The following SLC8A1 variants were observed in gnomAD, a reference collection of about 807,000 sequenced individuals.
SLC8A1 encodes the protein solute carrier family 8 member A1, also known as sodium/calcium exchanger 1.
In SLC8A1, 18 loss-of-function variants were observed where a neutral mutation model predicts 68.3. The observed-to-expected ratio is 0.26, with a 90% confidence interval of 0.18 to 0.39. The LOEUF is 0.39. Among genes scored for constraint, SLC8A1 ranks in the 10% least tolerant of loss-of-function variants. The pLI is 1.00. For synonymous variants in SLC8A1, 475 were observed against 415.5 expected, an observed-to-expected ratio of 1.14 and a Z score of -1.74; for missense variants, 985 against 1,156.7, an observed-to-expected ratio of 0.85 and a Z score of 2.15.
At chr2:40,274,400 G>A (rs1481003857) in intron 2 of SLC8A1, among the ~76,000 whole-genome samples, 2 of 152,030 alleles carry the variant, frequency 1.3e-5, no homozygotes, top group African/African-American at 2.4e-5. Flanking sequence ...TGGAAGTTGT[G>A]CTCTAAAATT....
chr2:40,209,771 C>G (rs923142427), intron 2 of SLC8A1, among the ~76,000 whole-genome samples: 1 of 152,052 alleles, frequency 6.6e-6, no homozygotes, highest in Non-Finnish European at 1.5e-5. Flanking sequence ...TCTATTTTCT[C>G]AGGGAGACAG....
intron 1 of SLC8A1, among the ~76,000 whole-genome samples, chr2:40,489,020 C>T (rs867658977): frequency 6.6e-5 from 10 of 152,062 alleles, no homozygotes; most frequent in East Asian, 1.9e-4. Flanking sequence ...CATACTCTAA[C>T]GATAAGAACT....
intron 2 of SLC8A1, among the ~76,000 whole-genome samples, chr2:40,227,888 CA>C (rs1184826777): frequency 2.0e-5 from 3 of 151,982 alleles, no homozygotes. Context: ...AGGAGAAACT[CA>C]GAGAATAATG....
At chr2:40,322,174 G>A (rs1394009207) in intron 2 of SLC8A1, among the ~76,000 whole-genome samples, 1 of 152,148 alleles carries the variant, frequency 6.6e-6, no homozygotes, top group Non-Finnish European at 1.5e-5. Flanking sequence ...AGGCTGCTGT[G>A]TGGTTTTGCA....
intron 6 of SLC8A1, among the ~76,000 whole-genome samples, chr2:40,150,540 A>G (rs387103): frequency 0.83 from 125,610 of 152,166 alleles, 52,000 homozygotes; most frequent in East Asian, 0.87. Flanking sequence ...GCAGCAGCCC[A>G]TGCCAACAAA....
At chr2:40,262,839 C>A (rs1029940666) in intron 2 of SLC8A1, among the ~76,000 whole-genome samples, 1 of 152,136 alleles carries the variant, frequency 6.6e-6, no homozygotes, top group Non-Finnish European at 1.5e-5. Context: ...AAATTTGGAT[C>A]ATATTTAGCT....
chr2:40,336,531 C>A (rs1666037491), intron 2 of SLC8A1, among the ~76,000 whole-genome samples: 1 of 152,138 alleles, frequency 6.6e-6, no homozygotes, highest in Non-Finnish European at 1.5e-5. Flanking sequence ...CCATAAGGCT[C>A]TTTTCTGAAA....
chr2:40,424,878 A>G (rs1696451611), intron 2 of SLC8A1, among the ~76,000 whole-genome samples: 2 of 151,884 alleles, frequency 1.3e-5, no homozygotes, highest in Admixed American at 1.3e-4. Flanking sequence ...TCATTTTTCC[A>G]AAACAGTTAA....
At chr2:40,143,340 A>G (rs1412052714) in intron 6 of SLC8A1, among the ~76,000 whole-genome samples, 1 of 152,140 alleles carries the variant, frequency 6.6e-6, no homozygotes, top group Non-Finnish European at 1.5e-5. Flanking sequence ...CTTTTATGTG[A>G]CAGCAAAAAT....
chr2:40,482,076 A>G (rs114226729), intron 1 of SLC8A1, among the ~76,000 whole-genome samples: 10 of 152,294 alleles, frequency 6.6e-5, no homozygotes, highest in African/African-American at 2.4e-4. Flanking sequence ...TTTAAAATAC[A>G]TATTTTATTG....
At chr2:40,355,431 C>T (rs1347992201) in intron 2 of SLC8A1, among the ~76,000 whole-genome samples, 2 of 152,120 alleles carry the variant, frequency 1.3e-5, no homozygotes. Context: ...TTAGCTCAGC[C>T]AGTGGCTTTC....
intron 2 of SLC8A1, among the ~76,000 whole-genome samples, chr2:40,292,150 C>A (rs913434284): frequency 6.6e-6 from 1 of 152,122 alleles, no homozygotes; most frequent in South Asian, 2.1e-4. Flanking sequence ...AAAAACTAAA[C>A]CATGAGACCA....
At chr2:40,265,398 G>A (rs765366068) in intron 2 of SLC8A1, among the ~76,000 whole-genome samples, 3 of 152,114 alleles carry the variant, frequency 2.0e-5, no homozygotes, top group Admixed American at 6.6e-5. Context: ...CCCTGTGAAT[G>A]TACCTTCCAC....
At chr2:40,115,886 T>C (rs2035238999) in intron 7 of SLC8A1, among the ~76,000 whole-genome samples, 1 of 152,240 alleles carries the variant, frequency 6.6e-6, no homozygotes, top group Admixed American at 6.5e-5. Flanking sequence ...CCACAGATAC[T>C]GCAGTTCTTT....
At chr2:40,360,384 G>C (rs903890557) in intron 2 of SLC8A1, among the ~76,000 whole-genome samples, 4 of 152,102 alleles carry the variant, frequency 2.6e-5, no homozygotes, top group Non-Finnish European at 5.9e-5. Flanking sequence ...TTTAAAAATA[G>C]AATTAGGCAT....
In SLC8A1 at chr2:40,386,405, C is replaced by T. The variant is rs991358367; in HGVS notation, c.1808+42068G>A. Among the ~76,000 whole-genome samples the T allele has an allele frequency of 5.9e-4, 89 of 151,016 alleles. 1 individual carries two copies. Among genetic ancestry groups the T allele is most frequent in the Non-Finnish European group, 3.8e-4 (26 of 67,948 alleles). Reference sequence around the variant, plus strand: ...CTCAAACCTGAGGCTTCCTCTCAGACCTTGGGACAAAGGTCTGAGAAATAA... The same window carrying T: ...CTCAAACCTGAGGCTTCCTCTCAGATCTTGGGACAAAGGTCTGAGAAATAA... On this transcript the variant is annotated intron_variant, in intron 2 of 7. Transcript: ENST00000406785.
chr2:40,371,332 G>C (rs1001169437), intron 2 of SLC8A1, among the ~76,000 whole-genome samples: 7 of 152,044 alleles, frequency 4.6e-5, no homozygotes, highest in Admixed American at 2.6e-4. Flanking sequence ...TCAGAAATAG[G>C]GTGGACTTTA....
At chr2:40,336,159 T>C (rs1456472997) in intron 2 of SLC8A1, among the ~76,000 whole-genome samples, 1 of 152,198 alleles carries the variant, frequency 6.6e-6, no homozygotes, top group Non-Finnish European at 1.5e-5. Flanking sequence ...AGGATGAATT[T>C]GGCCATCCTA....
chr2:40,193,765 C>T (rs995721270), intron 2 of SLC8A1, among the ~76,000 whole-genome samples: 7 of 151,978 alleles, frequency 4.6e-5, no homozygotes, highest in African/African-American at 1.5e-4. Context: ...GGAGAGGGGG[C>T]AGGGAAGCAG....
Sources: gnomAD v4.1 joint callset for allele counts (sites outside exome capture counted in the v4.1 genomes callset) on GRCh38, gnomAD v4.1.1 for gene constraint, MANE v1.5 for transcripts, NCBI Gene and HGNC (gene_info 2026-07-23, HGNC 2026-07-21) for gene names.